The following KIF2B variants were observed in gnomAD, a reference collection of about 807,000 sequenced individuals.
KIF2B encodes kinesin-like protein KIF2B.
In KIF2B, 5 loss-of-function variants were observed where a neutral mutation model predicts 6.8. The observed-to-expected ratio is 0.74, with a 90% CI of 0.39 to 1.55. The LOEUF is 1.55. Ranked by LOEUF, KIF2B falls within the 40% of genes most tolerant of loss-of-function variation. The probability of loss-of-function intolerance (pLI) is 0.03; values close to 1 mark genes in which losing one functional copy is unlikely to be tolerated. For synonymous variants in KIF2B, 370 were observed against 330.7 expected (o/e 1.12, Z -1.29); for missense variants, 908 against 831.3 (o/e 1.09, Z -1.13).
In KIF2B at chr17:53,824,195, G is replaced by A. The variant is rs545273087; in HGVS notation, c.1162G>A (p.Gly388Arg). 24 of 1,614,146 alleles carry A rather than the reference G, an allele frequency of 1.5e-5. No individual in the cohort carries two copies. The East Asian group carries it at 2.0e-4, about 13-fold the overall frequency. Residue 388 changes from glycine (G) to arginine (R), a missense_variant, in exon 1 of 1, where the codon GGG becomes AGG. Coordinates refer to ENST00000268919, the MANE Select transcript of KIF2B (RefSeq NM_032559.5). Reference sequence around the variant, plus strand: ...TGGCAATCAGCAAATCCAAGTGGTCGGGCTGCAGGAGAAAGAGGTGTGTTG... The same window carrying A: ...TGGCAATCAGCAAATCCAAGTGGTCAGGCTGCAGGAGAAAGAGGTGTGTTG... ...EDGNQQIQVV[G>R]LQEKEVCCVE...
Position 53,823,283 on chromosome 17 carries a change from G to A in KIF2B, c.250G>A (p.Asp84Asn), listed in dbSNP as rs749735915. 25 of 1,614,042 alleles carry A rather than the reference G, an allele frequency of 1.5e-5. No homozygotes were observed. Among genetic ancestry groups the A allele is most frequent in the African/African-American group, 2.7e-5 (2 of 74,912 alleles). Residue 84 changes from aspartate to asparagine, a missense_variant, in exon 1 of 1, where the codon GAC becomes AAC. Asp to Asn is a conservative substitution (Grantham distance 23, BLOSUM62 1). Coordinates refer to ENST00000268919, the MANE Select transcript of KIF2B (RefSeq NM_032559.5). Reference sequence around the variant, plus strand: ...CATACTCCTGCTGAATCCAGCTCTGGACTCTGCTGAACACCCCATGCCGCC... The same window carrying A: ...CATACTCCTGCTGAATCCAGCTCTGAACTCTGCTGAACACCCCATGCCGCC... ...ETILLLNPAL[D>N]SAEHPMPPPP...
chr17:53,824,341 A>G lies in KIF2B; in HGVS notation c.1308A>G (p.Gly436=). ...HAVFQIILKS[G]RIMHGKFSLV... Reference sequence around the variant, plus strand: ...TGTTCCAGATCATCCTGAAGTCAGGACGGATAATGCATGGCAAGTTTTCCC... The same window carrying G: ...TGTTCCAGATCATCCTGAAGTCAGGGCGGATAATGCATGGCAAGTTTTCCC... The change falls in exon 1 of 1, where the codon GGA becomes GGG. Residue 436 remains glycine (G), a synonymous_variant. Transcript: ENST00000268919. The G allele has an allele frequency of 2.5e-6, 4 of 1,614,130 alleles. No homozygotes were observed. Among genetic ancestry groups the G allele is most frequent in the Non-Finnish European group, 3.4e-6 (4 of 1,180,022 alleles).
In KIF2B at chr17:53,825,117, C is replaced by A; in HGVS notation, c.*62C>A. The A allele has an allele frequency of 2.6e-6, 3 of 1,164,144 alleles. No individual in the cohort carries two copies. The highest frequency in any genetic ancestry group is 2.0e-5 in the African/African-American group (1 of 50,952). The allele number at this position is 1,164,144 out of a possible 1,614,324, so 72.1% of individuals were successfully genotyped here. A position where few individuals can be genotyped will look rare whatever the true frequency, so the allele number is the denominator to read the frequency against. ...TGCTGCAGTTTCCACCACTCTTATA[C>A]AGGAAAACTGTCCAAATTATCTAAA... On this transcript the variant is annotated 3_prime_UTR_variant, in exon 1 of 1. Coordinates refer to ENST00000268919, the MANE Select transcript of KIF2B (RefSeq NM_032559.5).
rs1179965179 is a variant in KIF2B at position 53,823,624 on chromosome 17, C to A, written c.591C>A (p.His197Gln). 2 of 1,613,552 alleles carry A rather than the reference C, an allele frequency of 1.2e-6. No homozygotes were observed. Among genetic ancestry groups the A allele is most frequent in the South Asian group, 2.2e-5 (2 of 91,088 alleles). The stretch of plus-strand genomic sequence containing the variant: ...ACATGATCGAAGAGTATCGCAGGCA[C>A]CTGGACAGCAGCAAGATCTCAGTCC... Reference protein sequence around the residue: ...IMHMIEEYRRHLDSSKISVLE... With the variant: ...IMHMIEEYRRQLDSSKISVLE... The change falls in exon 1 of 1, where the codon CAC becomes CAA. Residue 197 changes from histidine (H) to glutamine (Q), a missense_variant. Coordinates refer to ENST00000268919, the MANE Select transcript of KIF2B (RefSeq NM_032559.5).
rs771284173 is a variant in KIF2B at position 53,823,361 on chromosome 17, C to A, written c.328C>A (p.Arg110Ser). 16 of 1,614,092 alleles carry A rather than the reference C, an allele frequency of 9.9e-6. No individual in the cohort carries two copies. The Middle Eastern group carries it at 2.5e-3, about 250-fold the overall frequency. Residue 110 changes from arginine to serine, a missense_variant, in exon 1 of 1, where the codon CGT becomes AGT. Arg to Ser is a moderately radical substitution (Grantham distance 110). Transcript: ENST00000268919. Reference sequence around the variant, plus strand: ...GCCCTCTTCGGCCATCAGGGACCAGCGTACCGCCACGAAATGGGTTGCGAT... The same window carrying A: ...GCCCTCTTCGGCCATCAGGGACCAGAGTACCGCCACGAAATGGGTTGCGAT... ...LAPSSAIRDQ[R>S]TATKWVAMIP...
Position 53,822,934 on chromosome 17 carries a change from G to A in KIF2B, c.-100G>A, listed in dbSNP as rs1906436221. The A allele has an allele frequency of 2.8e-6, 3 of 1,085,308 alleles. No individual in the cohort carries two copies. Among genetic ancestry groups the A allele is most frequent in the South Asian group, 1.6e-5 (1 of 62,944 alleles). 67.2% of individuals were successfully genotyped at this position (1,085,308 alleles called of 1,614,324 possible). On this transcript the variant is annotated 5_prime_UTR_variant, in exon 1 of 1. Transcript: ENST00000268919. ...AGGCTCACAAAGGCAGGCACAGACT[G>A]CAACCCTGCTCAGTGCTCCGGGCGC...
At position 53,824,013 on chromosome 17, in the gene KIF2B, G is replaced by T. The variant is rs201190098; in HGVS notation, c.980G>T (p.Gly327Val). Residue 327 changes from glycine (G) to valine (V), a missense_variant, in exon 1 of 1, where the codon GGC becomes GTC. Physicochemically the swap from Gly to Val is moderately radical, Grantham distance 109 (BLOSUM62 -3). Transcript: ENST00000268919. The stretch of plus-strand genomic sequence containing the variant: ...GGAACGGCCCAAGATTGTTCTAAGG[G>T]CATTTATGCTCTGGTGGCACAGGAT... Reference protein sequence around the residue: ...FSGTAQDCSKGIYALVAQDVF... With the variant: ...FSGTAQDCSKVIYALVAQDVF... 4.5e-5 allele frequency: 73 copies of T among 1,614,092 alleles called. No individual in the cohort carries two copies. The highest frequency in any genetic ancestry group is 6.1e-5 in the Non-Finnish European group (72 of 1,180,050).
Position 53,823,833 on chromosome 17 carries a change from A to T in KIF2B, c.800A>T (p.Asp267Val). 6.2e-7 allele frequency: 1 copy of T among 1,614,204 alleles called. No individual in the cohort carries two copies. The highest frequency in any genetic ancestry group is 8.5e-7 in the Non-Finnish European group (1 of 1,180,038). The change falls in exon 1 of 1, where the codon GAC (aspartate) becomes GTC (valine). Residue 267 changes from aspartate (D) to valine (V), a missense_variant. By Grantham distance (152) the Asp-to-Val change is radical. Transcript: ENST00000268919. ...RYLQNQTFCFDHAFDDKASNE... is the reference protein window; with the variant it reads ...RYLQNQTFCFVHAFDDKASNE... ...CTGCAGAACCAGACCTTCTGCTTCG[A>T]CCATGCCTTCGATGACAAAGCCTCC...
chr17:53,824,368 C>G lies in KIF2B; in HGVS notation c.1335C>G (p.Leu445=). 1.2e-6 allele frequency: 2 copies of G among 1,614,084 alleles called. No individual in the cohort carries two copies. The highest frequency in any genetic ancestry group is 1.3e-5 in the African/African-American group (1 of 75,008). ...GGATAATGCATGGCAAGTTTTCCCTCGTTGATTTAGCTGGGAATGAAAGAG... is the reference window on the plus strand; with the variant it reads ...GGATAATGCATGGCAAGTTTTCCCTGGTTGATTTAGCTGGGAATGAAAGAG... ...SGRIMHGKFS[L]VDLAGNERGA... Residue 445 remains leucine, a synonymous_variant, in exon 1 of 1, where the codon CTC becomes CTG. Coordinates refer to ENST00000268919, the MANE Select transcript of KIF2B (RefSeq NM_032559.5).
chr17:53,825,105 ACCACTCTTATAC>A lies in KIF2B; in HGVS notation c.*51_*62del, dbSNP rs1284778029. 2 of 1,347,398 alleles carry A rather than the reference ACCACTCTTATAC, an allele frequency of 1.5e-6. No homozygotes were observed. The highest frequency in any genetic ancestry group is 4.6e-5 in the East Asian group (2 of 43,360). The allele number at this position is 1,347,398 out of a possible 1,614,324, so 83.5% of individuals were successfully genotyped here. A position where few individuals can be genotyped will look rare whatever the true frequency, so the allele number is the denominator to read the frequency against. On this transcript the variant is annotated 3_prime_UTR_variant, in exon 1 of 1. Coordinates refer to ENST00000268919, the MANE Select transcript of KIF2B (RefSeq NM_032559.5). ...GAAATGCTGCATTGCTGCAGTTTCCACCACTCTTATACAGGAAAACTGTCCAAATTATCTAAA... is the reference window on the plus strand; with the variant it reads ...GAAATGCTGCATTGCTGCAGTTTCCAAGGAAAACTGTCCAAATTATCTAAA...
rs1258254176 is a variant in KIF2B at position 53,824,200 on chromosome 17, G to T, written c.1167G>T (p.Leu389=). 2 of 1,614,102 alleles carry T rather than the reference G, an allele frequency of 1.2e-6. No homozygotes were observed. The highest frequency in any genetic ancestry group is 1.3e-5 in the African/African-American group (1 of 74,938). The stretch of plus-strand genomic sequence containing the variant: ...ATCAGCAAATCCAAGTGGTCGGGCT[G>T]CAGGAGAAAGAGGTGTGTTGTGTGG... ...DGNQQIQVVG[L]QEKEVCCVEE... The change falls in exon 1 of 1, where the codon CTG becomes CTT. Residue 389 remains leucine, a synonymous_variant. Transcript: ENST00000268919.
rs1396377384 is a variant in KIF2B, at chr17:53,824,512, A to G, written c.1479A>G (p.Pro493=). 1.9e-6 allele frequency: 3 copies of G among 1,614,020 alleles called. No homozygotes were observed. Among genetic ancestry groups the G allele is most frequent in the Non-Finnish European group, 2.5e-6 (3 of 1,180,038 alleles). ...LALGQNKPHT[P]FRASKLTLVL... is the part of the protein sequence containing the mutation. The stretch of plus-strand genomic sequence containing the variant: ...TGGGTCAGAACAAGCCTCACACCCC[A>G]TTCAGAGCCAGCAAACTCACACTGG... The change falls in exon 1 of 1, where the codon CCA becomes CCG. Residue 493 remains proline (P), a synonymous_variant. Coordinates refer to ENST00000268919, the MANE Select transcript of KIF2B (RefSeq NM_032559.5).
Position 53,824,826 on chromosome 17 carries a change from T to A in KIF2B, c.1793T>A (p.Val598Asp), listed in dbSNP as rs974799950. 6.2e-7 allele frequency: 1 copy of A among 1,613,728 alleles called. No homozygotes were observed. Among genetic ancestry groups the A allele is most frequent in the Non-Finnish European group, 8.5e-7 (1 of 1,179,844 alleles). Residue 598 changes from valine to aspartate, a missense_variant, in exon 1 of 1, where the codon GTT (valine) becomes GAT (aspartate). By Grantham distance (152) the Val-to-Asp change is radical. Transcript: ENST00000268919. ...GAGGAGCAGAAAGAGATTGAAGAGG[T>A]TGAAACATTACCCACTCTGTTAGGG... Reference protein sequence around the residue: ...QSEEQKEIEEVETLPTLLGKD... With the variant: ...QSEEQKEIEEDETLPTLLGKD...
In KIF2B at chr17:53,823,230, A is replaced by T. The variant is rs2143778326; in HGVS notation, c.197A>T (p.Lys66Ile). The change falls in exon 1 of 1, where the codon AAA (lysine) becomes ATA (isoleucine). Residue 66 changes from lysine (K) to isoleucine (I), a missense_variant. Lys to Ile is a moderately radical substitution (Grantham distance 102, BLOSUM62 -3). Coordinates refer to ENST00000268919, the MANE Select transcript of KIF2B (RefSeq NM_032559.5). ...GTAGAGTGGGTGGAGAAAGCAGTCA[A>T]AAAAGGCAAGAAGATTGACCTGGAG... ...VTVEWVEKAV[K>I]KGKKIDLETI... is the part of the protein sequence containing the mutation. 1 of 1,614,202 alleles carries T rather than the reference A, an allele frequency of 6.2e-7. No individual in the cohort carries two copies. Among genetic ancestry groups the T allele is most frequent in the Non-Finnish European group, 8.5e-7 (1 of 1,180,044 alleles).
Position 53,823,344 on chromosome 17 carries a change from C to T in KIF2B, c.311C>T (p.Ser104Leu), listed in dbSNP as rs371085430. ...PLSPLALAPS[S>L]AIRDQRTATK... is the part of the protein sequence containing the mutation. ...TCCCCCTTGGCTCTGGCGCCCTCTT[C>T]GGCCATCAGGGACCAGCGTACCGCC... is the stretch of plus-strand genomic sequence containing the variant. Residue 104 changes from serine to leucine, a missense_variant, in exon 1 of 1, where the codon TCG becomes TTG. By Grantham distance (145) the Ser-to-Leu change is moderately radical. Transcript: ENST00000268919. 7.5e-5 allele frequency: 121 copies of T among 1,614,114 alleles called. No individual in the cohort carries two copies. The highest frequency in any genetic ancestry group is 1.6e-4 in the Middle Eastern group (1 of 6,062).
Position 53,823,536 on chromosome 17 carries a change from A to G in KIF2B, c.503A>G (p.Gln168Arg), listed in dbSNP as rs753991122. Residue 168 changes from glutamine (Q) to arginine (R), a missense_variant, in exon 1 of 1, where the codon CAG becomes CGG. Gln to Arg is a conservative substitution (Grantham distance 43). Coordinates refer to ENST00000268919, the MANE Select transcript of KIF2B (RefSeq NM_032559.5). ...EQREKRRRLQ[Q>R]EIRARRALDV... ...CGGGAAAAGCGCAGGCGGCTGCAGC[A>G]GGAGATCCGAGCTAGACGCGCCCTC... 3 of 1,613,770 alleles carry G rather than the reference A, an allele frequency of 1.9e-6. No homozygotes were observed.
Position 53,824,450 on chromosome 17 carries a change from AAG to A in KIF2B, c.1420_1421del (p.Leu475SerfsTer53), listed in dbSNP as rs139282377. 1 of 1,614,110 alleles carries A rather than the reference AAG, an allele frequency of 6.2e-7. No individual in the cohort carries two copies. The highest frequency in any genetic ancestry group is 1.3e-5 in the African/African-American group (1 of 75,052). ...KRQLEGAEIN[K>X]SLLALKECIL... ...GCAGCTGGAAGGGGCAGAGATTAACAAGAGTCTTCTAGCCCTCAAAGAATGTA... is the reference window on the plus strand; with the variant it reads ...GCAGCTGGAAGGGGCAGAGATTAACAAGTCTTCTAGCCCTCAAAGAATGTA... On this transcript the variant is annotated frameshift_variant, in exon 1 of 1. Transcript: ENST00000268919. LOFTEE classifies it low-confidence loss of function (END_TRUNC).
Position 53,824,754 on chromosome 17 carries a change from T to C in KIF2B, c.1721T>C (p.Met574Thr), listed in dbSNP as rs573802436. ...AAAAGTCACATCGGAAATTCAGAAA[T>C]GTCCCTTCAGAGGGATGAATTTATT... The part of the protein sequence containing the change: ...MLKSHIGNSE[M>T]SLQRDEFIKI... The change falls in exon 1 of 1, where the codon ATG (methionine) becomes ACG (threonine). Residue 574 changes from methionine (M) to threonine (T), a missense_variant. By Grantham distance (81) the Met-to-Thr change is moderately conservative (BLOSUM62 -1). Transcript: ENST00000268919. The C allele has an allele frequency of 2.2e-4, 349 of 1,614,134 alleles. 3 individuals are homozygous for C. The South Asian group carries it at 3.6e-3, about 17-fold the overall frequency.
Position 53,823,599 on chromosome 17 carries a change from A to G in KIF2B, c.566A>G (p.His189Arg), listed in dbSNP as rs2143780598. Residue 189 changes from histidine (H) to arginine (R), a missense_variant, in exon 1 of 1, where the codon CAC becomes CGC. By Grantham distance (29) the His-to-Arg change is conservative. Coordinates refer to ENST00000268919, the MANE Select transcript of KIF2B (RefSeq NM_032559.5). ...NTRNPNYEIM[H>R]MIEEYRRHLD... is the part of the protein sequence containing the mutation. Reference sequence around the variant, plus strand: ...AGAAACCCCAACTACGAAATCATGCACATGATCGAAGAGTATCGCAGGCAC... The same window carrying G: ...AGAAACCCCAACTACGAAATCATGCGCATGATCGAAGAGTATCGCAGGCAC... 1.2e-6 allele frequency: 2 copies of G among 1,613,282 alleles called. No individual in the cohort carries two copies. The highest frequency in any genetic ancestry group is 1.7e-6 in the Non-Finnish European group (2 of 1,180,030).
Sources: gnomAD v4.1 joint callset for allele counts on GRCh38, gnomAD v4.1.1 for gene constraint, MANE v1.5 for transcripts, NCBI Gene and HGNC (gene_info 2026-07-23, HGNC 2026-07-21) for gene names.